The following CFAP99 variants were observed in gnomAD, a reference collection of about 807,000 sequenced individuals.
The protein encoded by CFAP99 is cilia- and flagella-associated protein 99.
Under a neutral mutation model 82.7 loss-of-function variants are expected in CFAP99, and 84 were observed. The observed-to-expected ratio is 1.02, with a 90% CI of 0.85 to 1.22. CFAP99 has a LOEUF of 1.22. Among genes scored for constraint, CFAP99 ranks in the 50% most tolerant of loss-of-function variants. The pLI, the probability that CFAP99 is intolerant of heterozygous loss-of-function variation, is 0.00. For missense variants in CFAP99, 1,059 were observed against 983.5 expected, an observed-to-expected ratio of 1.08 and a Z score of -1.03; for synonymous variants, 456 against 429.5, an observed-to-expected ratio of 1.06 and a Z score of -0.76.
Position 2,433,875 on chromosome 4 carries a change from G to A in CFAP99, c.112-2999G>A, listed in dbSNP as rs150665352. On this transcript the variant is annotated intron_variant, in intron 2 of 14. Coordinates refer to ENST00000635017, the Ensembl canonical transcript of CFAP99. ...CCAGTGTGACTGGAACAGCCAGGGC[G>A]GGCTGGGGACTCCGAGGGAGCTGGG... 3.4e-3 allele frequency among the ~76,000 whole-genome samples: 511 copies of A among 152,346 alleles called. 8 individuals are homozygous for A. The highest frequency in any genetic ancestry group is 0.012 in the African/African-American group (492 of 41,572).
rs774920415 is a variant in CFAP99 at position 2,458,744 on chromosome 4, C to T, written c.1183C>T (p.Arg395Cys). 2.5e-4 allele frequency: 383 copies of T among 1,534,946 alleles called. 1 individual carries two copies. The highest frequency in any genetic ancestry group is 8.6e-4 in the South Asian group (72 of 83,978). The change falls in exon 12 of 15, where the codon CGT (arginine) becomes TGT (cysteine). Residue 395 changes from arginine (R) to cysteine (C), a missense_variant. Arg to Cys is a radical substitution (Grantham distance 180). Transcript: ENST00000635017. ...GCAGATGGCCAAGCTGATGCTGCAG[C>T]GTGCAGAGAGACGGCTCCGGGAGGA...
chr4:2,442,114 G>A (rs1408218165), intron 4 of CFAP99, among the ~76,000 whole-genome samples: 2 of 152,198 alleles, frequency 1.3e-5, no homozygotes, highest in African/African-American at 4.8e-5. Context: ...GTGTCCTGGT[G>A]GGAGCACCCC....
In CFAP99 at chr4:2,446,841, T is replaced by C. The variant is rs1734177509; in HGVS notation, c.642+1533T>C. On this transcript the variant is annotated intron_variant, in intron 6 of 14. Transcript: ENST00000635017. The surrounding 1 kb of genome is among the most constrained non-coding windows in gnomAD (Gnocchi z 5.0). ...AATGGATGGATGGATGGATGGATGATTGGATTGGTGAATGGATAGATGGAT... is the reference window on the plus strand; with the variant it reads ...AATGGATGGATGGATGGATGGATGACTGGATTGGTGAATGGATAGATGGAT... Among the ~76,000 whole-genome samples, 1 of 119,266 alleles carries C rather than the reference T, an allele frequency of 8.4e-6. No individual in the cohort carries two copies. Among genetic ancestry groups the C allele is most frequent in the South Asian group, 2.8e-4 (1 of 3,570 alleles). 78.2% of individuals were successfully genotyped at this position (119,266 alleles called of 152,430 possible).
chr4:2,443,470 C>G (rs1191287034), intron 5 of CFAP99, among the ~76,000 whole-genome samples: 1 of 152,250 alleles, frequency 6.6e-6, no homozygotes, highest in East Asian at 1.9e-4. Flanking sequence ...AAGCCCCAGC[C>G]TGGGCTCCCT....
intron 2 of CFAP99, chr4:2,426,940 C>A (rs1409252483): frequency 2.5e-5 from 7 of 278,436 alleles, no homozygotes; most frequent in Non-Finnish European, 4.3e-5. Context: ...CCTCCATCCC[C>A]CAGGCGCCCC....
exon 12 of CFAP99, chr4:2,458,724 T>G: frequency 1.3e-6 from 2 of 1,532,744 alleles, no homozygotes; most frequent in South Asian, 2.4e-5. Flanking sequence ...TCTGGGCAGA[T>G]GGCCAAGCTG....
In CFAP99 at chr4:2,462,538, C is replaced by T. The variant is rs1290042487; in HGVS notation, c.1757C>T (p.Ala586Val). ...CGGCGCAGGATCTCGGAGAGGGCGG[C>T]CGAGCGCAGCAGGCAGGCGGCCTTG... Residue 586 changes from alanine to valine, a missense_variant, in exon 15 of 15, where the codon GCC (alanine) becomes GTC (valine). By Grantham distance (64) the Ala-to-Val change is moderately conservative (BLOSUM62 0). Coordinates refer to ENST00000635017, the Ensembl canonical transcript of CFAP99. This position sits in a 1 kb window ranked among gnomAD's most constrained non-coding sequence, Gnocchi z 4.1. The T allele has an allele frequency of 4.1e-6, 6 of 1,469,704 alleles. No individual in the cohort carries two copies. The African/African-American group carries it at 7.4e-5, about 18-fold the overall frequency. 91.0% of individuals were successfully genotyped at this position (1,469,704 alleles called of 1,614,324 possible).
rs1026356429 is a variant in CFAP99, at chr4:2,431,520, T to G, written c.111+4934T>G. 4.6e-5 allele frequency among the ~76,000 whole-genome samples: 7 copies of G among 152,302 alleles called. No individual in the cohort carries two copies. The East Asian group carries it at 1.2e-3, about 25-fold the overall frequency. On this transcript the variant is annotated intron_variant, in intron 2 of 14. Transcript: ENST00000635017. ...GACTGACCACCTGTCCCTTTGCATC[T>G]TGGGTGCACCCAAGGTCAAGTCCAA...
intron 6 of CFAP99, among the ~76,000 whole-genome samples, chr4:2,447,809 A>AATGG (rs57747051): frequency 1.6e-5 from 2 of 125,170 alleles, no homozygotes; most frequent in African/African-American, 5.9e-5. Context: ...TAGGTGAATT[A>AATGG]ATGGATGGAT....
intron 1 of CFAP99, among the ~76,000 whole-genome samples, 173 bp from the exon 2 acceptor site, chr4:2,426,286 C>T (rs1300007563): frequency 6.6e-6 from 1 of 150,594 alleles, no homozygotes; most frequent in Non-Finnish European, 1.5e-5. Flanking sequence ...CCCTCACTCA[C>T]ATCCGGCCCT....
chr4:2,453,453 A>G (rs1218588710), intron 11 of CFAP99, among the ~76,000 whole-genome samples: 2 of 152,136 alleles, frequency 1.3e-5, no homozygotes, highest in South Asian at 4.1e-4. Flanking sequence ...AATATGGCCA[A>G]TCGTCTCCCT....
At chr4:2,426,905 G>A (rs1733696769) in intron 2 of CFAP99, 1 of 302,666 alleles carries the variant, frequency 3.3e-6, no homozygotes, top group Admixed American at 4.2e-5. Flanking sequence ...CCACTTTGGG[G>A]GGCATCTTAT....
intron 1 of CFAP99, among the ~76,000 whole-genome samples, chr4:2,422,577 A>C (rs954805556): frequency 1.3e-5 from 2 of 152,128 alleles, no homozygotes; most frequent in African/African-American, 2.4e-5. Flanking sequence ...CCACCTTGGC[A>C]GCAGCTCCCA....
intron 4 of CFAP99, among the ~76,000 whole-genome samples, chr4:2,442,088 G>A (rs1578473325): frequency 2.0e-5 from 3 of 152,198 alleles, no homozygotes; most frequent in Admixed American, 2.0e-4. Flanking sequence ...GAGGATGGGG[G>A]CCTCAATACA....
intron 2 of CFAP99, 101 bp downstream of exon 2, chr4:2,426,687 T>TAACGAC: frequency 1.3e-6 from 1 of 763,116 alleles, no homozygotes; most frequent in Non-Finnish European, 2.2e-6. Flanking sequence ...ACTGCCTTCC[T>TAACGAC]TCCACATGGG....
Position 2,443,250 on chromosome 4 carries a change from G to A in CFAP99, c.464+8G>A. On this transcript the variant is annotated splice_region_variant and intron_variant, in intron 5 of 14. Transcript: ENST00000635017. ...GATCGACCCCCTGATGAGGTAGGCTGGATGGGGGGCTCTGGGGGCCCTGAA... is the reference window on the plus strand; with the variant it reads ...GATCGACCCCCTGATGAGGTAGGCTAGATGGGGGGCTCTGGGGGCCCTGAA... 1 of 1,516,858 alleles carries A rather than the reference G, an allele frequency of 6.6e-7. No homozygotes were observed. Among genetic ancestry groups the A allele is most frequent in the Non-Finnish European group, 8.9e-7 (1 of 1,129,640 alleles). The allele number at this position is 1,516,858 out of a possible 1,614,324, so 94.0% of individuals were successfully genotyped here.
chr4:2,461,726 G>T (rs898257262), intron 14 of CFAP99, among the ~76,000 whole-genome samples: 2 of 152,138 alleles, frequency 1.3e-5, no homozygotes, highest in African/African-American at 4.8e-5. Flanking sequence ...AAGAGTGGTG[G>T]AGACAGGGAA....
At chr4:2,421,320 T>C (rs925191368) in intron 1 of CFAP99, among the ~76,000 whole-genome samples, 3 of 150,154 alleles carry the variant, frequency 2.0e-5, no homozygotes, top group African/African-American at 7.3e-5. Flanking sequence ...AAATATTTCC[T>C]AAGGAAAGAG....
rs761872043 is a variant in CFAP99 at position 2,438,022 on chromosome 4, G to T, written c.257-48G>T. ...TCGGCTCCGGTCCCGCCGTGTGCCT[G>T]GTGCCCCGTGACGTCCCTTAGCCTC... On this transcript the variant is annotated intron_variant, in intron 3 of 14. Transcript: ENST00000635017. 2.2e-5 allele frequency: 25 copies of T among 1,134,090 alleles called. No homozygotes were observed. The South Asian group carries it at 3.3e-4, about 15-fold the overall frequency. The allele number at this position is 1,134,090 out of a possible 1,614,324, so 70.3% of individuals were successfully genotyped here.
Sources: allele counts gnomAD v4.1 joint callset (sites outside exome capture counted in the v4.1 genomes callset), GRCh38; gene constraint gnomAD v4.1.1; non-coding constraint Gnocchi (gnomAD v3.1); transcripts MANE v1.5; gene names NCBI Gene and HGNC (gene_info 2026-07-23, HGNC 2026-07-21).